The following HECW2 variants were observed in gnomAD, a reference collection of about 807,000 sequenced individuals.
The protein encoded by HECW2 is E3 ubiquitin-protein ligase HECW2.
In HECW2, 61 loss-of-function variants were observed where a neutral mutation model predicts 175.2. That is an observed-to-expected ratio of 0.35 (90% confidence interval 0.28 to 0.43). The LOEUF (loss-of-function observed/expected upper bound fraction) is 0.43, where lower values mean the gene tolerates loss of function less well. HECW2 is among the 20% of genes least tolerant of loss of function. HECW2 has a pLI of 1.00. For missense variants in HECW2, 1,524 were observed against 2,000.5 expected (o/e 0.76, Z 4.54); for synonymous variants, 671 against 731.0 (o/e 0.92, Z 1.32).
intron 1 of HECW2, among the ~76,000 whole-genome samples, chr2:196,468,595 T>A (rs1697055992): frequency 6.6e-6 from 1 of 152,232 alleles, no homozygotes; most frequent in African/African-American, 2.4e-5. Context: ...TTCTAAGTGA[T>A]GGTGACACTG....
At chr2:196,361,517 A>G (rs1255447178) in intron 2 of HECW2, among the ~76,000 whole-genome samples, 1 of 152,198 alleles carries the variant, frequency 6.6e-6, no homozygotes, top group Non-Finnish European at 1.5e-5. Flanking sequence ...TAGAACCTGT[A>G]CTTAACAACA....
chr2:196,528,561 T>G (rs1688745449), intron 1 of HECW2, among the ~76,000 whole-genome samples: 1 of 152,154 alleles, frequency 6.6e-6, no homozygotes. Flanking sequence ...ATTATAATCC[T>G]GGCCTCAACC....
At chr2:196,324,889 A>G (rs183749614) in intron 6 of HECW2, 91 bp downstream of exon 6, 5 of 1,107,472 alleles carry the variant, frequency 4.5e-6, no homozygotes, top group Non-Finnish European at 6.4e-6. Flanking sequence ...CACTTCATAA[A>G]CAACCTGAGG....
At chr2:196,307,881 A>C (rs1575393069) in intron 11 of HECW2, 54 bp downstream of exon 11, 1 of 1,423,898 alleles carries the variant, frequency 7.0e-7, no homozygotes, top group Non-Finnish European at 9.4e-7. Context: ...TGTGCCAAGT[A>C]AAAATTAGCC....
At chr2:196,222,666 C>T (rs1053820106) in intron 23 of HECW2, among the ~76,000 whole-genome samples, 1 of 152,178 alleles carries the variant, frequency 6.6e-6, no homozygotes, top group Admixed American at 6.5e-5. Context: ...AGATCAGGAA[C>T]TGGCACTCGG....
chr2:196,352,105 T>C (rs746961871), intron 2 of HECW2, among the ~76,000 whole-genome samples: 1 of 152,200 alleles, frequency 6.6e-6, no homozygotes, highest in Non-Finnish European at 1.5e-5. Flanking sequence ...CAAACTTCCT[T>C]ATGAATTTGC....
At chr2:196,479,754 G>C (rs1371184093) in intron 1 of HECW2, among the ~76,000 whole-genome samples, 1 of 152,082 alleles carries the variant, frequency 6.6e-6, no homozygotes, top group African/African-American at 2.4e-5. Context: ...CAAGAGCTCT[G>C]AGTTATCTTT....
intron 21 of HECW2, among the ~76,000 whole-genome samples, chr2:196,236,270 G>A (rs1456618672): frequency 6.6e-6 from 1 of 152,138 alleles, no homozygotes; most frequent in Non-Finnish European, 1.5e-5. Flanking sequence ...TCATTTATCA[G>A]ATAACAAGGA....
intron 2 of HECW2, among the ~76,000 whole-genome samples, chr2:196,423,715 T>TGTGTGTGTGTGTGTG (rs1553516070): frequency 5.9e-5 from 9 of 151,466 alleles, no homozygotes; most frequent in South Asian, 2.1e-4. Context: ...TGTGTGTGTG[T>TGTGTGTGTGTGTGTG]TTATCACATT....
At chr2:196,483,895 A>G in intron 1 of HECW2, among the ~76,000 whole-genome samples, 1 of 152,018 alleles carries the variant, frequency 6.6e-6, no homozygotes, top group East Asian at 2.0e-4. Context: ...TTTGAGGGGG[A>G]AAAAACATGA....
At chr2:196,264,730 C>CA (rs1689442181) in intron 17 of HECW2, among the ~76,000 whole-genome samples, 1 of 152,108 alleles carries the variant, frequency 6.6e-6, no homozygotes, top group Non-Finnish European at 1.5e-5. Flanking sequence ...TTCCATGCAT[C>CA]AAAAATGTGA....
chr2:196,386,026 G>C (rs1268748035), intron 2 of HECW2, among the ~76,000 whole-genome samples: 1 of 152,174 alleles, frequency 6.6e-6, no homozygotes, highest in Admixed American at 6.5e-5. Flanking sequence ...TTAGAAAGGA[G>C]AAACTTAGGC....
At chr2:196,278,259 A>T (rs1443043002) in intron 15 of HECW2, among the ~76,000 whole-genome samples, 2 of 146,122 alleles carry the variant, frequency 1.4e-5, no homozygotes, top group Non-Finnish European at 3.0e-5. Context: ...TTAGTACATT[A>T]TCAACACCCT....
At chr2:196,406,824 C>A (rs184767733) in intron 2 of HECW2, among the ~76,000 whole-genome samples, 1 of 152,318 alleles carries the variant, frequency 6.6e-6, no homozygotes, top group East Asian at 1.9e-4. Flanking sequence ...TGTCACTCAG[C>A]CTAAACATCA....
chr2:196,307,936 G>A lies in HECW2; in HGVS notation c.2584C>T (p.Arg862Ter), dbSNP rs1260797293. ...TCACAGCAAAATGTTCATCCTCACC[G>A]CCGGTTCAGCTGCTCCATTTGCTGT... ...SIQQMEQLNR[R>*]YQSIRRTMTN... Residue 862 changes from arginine (R) to a stop codon, truncating the protein, a stop_gained and splice_region_variant, in exon 11 of 29, where the codon CGA (arginine) becomes TGA (stop). Transcript: ENST00000644978. LOFTEE classifies it high-confidence loss of function. The A allele has an allele frequency of 1.3e-6, 2 of 1,529,760 alleles. No individual in the cohort carries two copies. Among genetic ancestry groups the A allele is most frequent in the Non-Finnish European group, 1.8e-6 (2 of 1,126,118 alleles). The allele number at this position is 1,529,760 out of a possible 1,614,324, so 94.8% of individuals were successfully genotyped here. A position where few individuals can be genotyped will look rare whatever the true frequency, so the allele number is the denominator to read the frequency against.
At chr2:196,318,446 G>C (rs1691785133) in intron 9 of HECW2, 106 bp downstream of exon 9, 3 of 1,275,594 alleles carry the variant, frequency 2.4e-6, no homozygotes, top group South Asian at 2.9e-5. Context: ...GAGGAATTCA[G>C]GTCATATGTA....
intron 13 of HECW2, 123 bp from the exon 14 acceptor site, chr2:196,292,873 G>T: frequency 1.4e-6 from 1 of 740,432 alleles, no homozygotes; most frequent in Non-Finnish European, 2.2e-6. Context: ...AGCTTTGACA[G>T]AACTCTAGAC....
intron 2 of HECW2, among the ~76,000 whole-genome samples, chr2:196,352,100 T>G (rs931695859): frequency 3.9e-5 from 6 of 152,336 alleles, no homozygotes; most frequent in Admixed American, 3.3e-4. Context: ...ACTGGCAAAC[T>G]TCCTTATGAA....
At chr2:196,424,309 A>C (rs1328738540) in intron 2 of HECW2, among the ~76,000 whole-genome samples, 1 of 152,050 alleles carries the variant, frequency 6.6e-6, no homozygotes, top group Admixed American at 6.6e-5. Flanking sequence ...AGACACAACA[A>C]TATTGAAATT....
Sources: gnomAD v4.1 joint callset for allele counts (sites outside exome capture counted in the v4.1 genomes callset) on GRCh38, gnomAD v4.1.1 for gene constraint, MANE v1.5 for transcripts, NCBI Gene and HGNC (gene_info 2026-07-23, HGNC 2026-07-21) for gene names.